Variants in MDN1 observed in about 807,000 individuals in gnomAD.
MDN1 encodes midasin AAA ATPase 1, also known as midasin.
A neutral mutation model predicts 669.2 loss-of-function variants in MDN1; 266 were observed. The observed-to-expected ratio is 0.40, with a 90% confidence interval of 0.36 to 0.44. The LOEUF is 0.44. Ranked by LOEUF, MDN1 falls within the 20% of genes least tolerant of loss-of-function variation. The probability of loss-of-function intolerance (pLI) is 1.00; values close to 1 mark genes in which losing one functional copy is unlikely to be tolerated. For missense variants in MDN1, 5,940 were observed against 6,754.0 expected, an observed-to-expected ratio of 0.88 and a Z score of 4.22; for synonymous variants, 2,385 against 2,457.1, an observed-to-expected ratio of 0.97 and a Z score of 0.87.
intron 71 of MDN1, 75 bp from the exon 72 acceptor site, chr6:89,683,979 A>G (rs1811826188): frequency 1.0e-5 from 11 of 1,104,966 alleles, no homozygotes; most frequent in Non-Finnish European, 1.5e-5. Context: ...ATTTCTGTTC[A>G]GCAAAGACCA....
At chr6:89,672,429 A>G in intron 81 of MDN1, 66 bp from the exon 82 acceptor site, 2 of 1,598,314 alleles carry the variant, frequency 1.3e-6, no homozygotes, top group Non-Finnish European at 1.7e-6. Context: ...TTTTATCTCT[A>G]TCCATGCAGT....
Position 89,688,741 on chromosome 6 carries a change from AAG to A in MDN1, c.11089_11090del (p.Leu3697PhefsTer13). The A allele has an allele frequency of 6.2e-7, 1 of 1,614,132 alleles. No homozygotes were observed. The highest frequency in any genetic ancestry group is 8.5e-7 in the Non-Finnish European group (1 of 1,180,028). ...LLACTLSHNTLFGEAPSDLMV... is the reference protein window; with the variant it reads ...LLACTLSHNTXFGEAPSDLMV... ...TCAGGTCTGAGGGTGCCTCCCCAAA[AAG>A]AGTGTTATGGGAGAGGGTACAGGCC... On this transcript the variant is annotated frameshift_variant, in exon 66 of 102. Coordinates refer to ENST00000369393, the MANE Select transcript of MDN1 (RefSeq NM_014611.3). LOFTEE classifies it high-confidence loss of function.
intron 8 of MDN1, among the ~76,000 whole-genome samples, 181 bp downstream of exon 8, chr6:89,787,672 CT>C (rs1490330142): frequency 1.3e-5 from 2 of 151,690 alleles, no homozygotes; most frequent in Non-Finnish European, 2.9e-5. Context: ...GGGGGGACCT[CT>C]TATTTTATAA....
At chr6:89,809,999 A>T (rs1228023005) in intron 1 of MDN1, among the ~76,000 whole-genome samples, 3,262 of 96,202 alleles carry the variant, frequency 0.034, 78 homozygotes, top group Non-Finnish European at 0.051. Flanking sequence ...TCACTAAAAA[A>T]AAAAAAAAAA....
At chr6:89,708,170 G>A (rs1423934037) in intron 51 of MDN1, among the ~76,000 whole-genome samples, 1 of 152,140 alleles carries the variant, frequency 6.6e-6, no homozygotes, top group Non-Finnish European at 1.5e-5. Context: ...AGGTGTGGTG[G>A]TATGTACCTG....
intron 23 of MDN1, among the ~76,000 whole-genome samples, chr6:89,751,101 T>A (rs944584202): frequency 4.6e-5 from 7 of 152,130 alleles, no homozygotes. Context: ...GGAAAGCAAT[T>A]CCAACTATGC....
At chr6:89,683,470 T>C (rs1044527314) in intron 72 of MDN1, 140 bp from the exon 73 acceptor site, 7 of 697,674 alleles carry the variant, frequency 1.0e-5, no homozygotes, top group African/African-American at 7.2e-5. Flanking sequence ...TAAATATTAA[T>C]AGTTGTTTTA....
chr6:89,809,841 T>A (rs937970357), intron 1 of MDN1, among the ~76,000 whole-genome samples: 4 of 66,562 alleles, frequency 6.0e-5, no homozygotes, highest in African/African-American at 1.7e-4. Flanking sequence ...AATAAAAAAT[T>A]AGCCAGGCTT....
Position 89,690,138 on chromosome 6 carries a change from A to C in MDN1, c.10755T>G (p.Phe3585Leu). ...RKQFPLHEKD[F>L]ADILVQPTLE... The stretch of plus-strand genomic sequence containing the variant: ...ACGTTGGCTGCACCAAAATATCTGC[A>C]AAGTCCTATAAATAGCATTAGAGCA... Residue 3585 changes from phenylalanine (F) to leucine (L), a missense_variant, in exon 65 of 102, where the codon TTT (phenylalanine) becomes TTG (leucine). Around this residue, in one of 5 missense-constraint regions of MDN1, gnomAD observed 2,280 missense variants for 2,576.3 expected, o/e 0.88. Transcript: ENST00000369393. 1 of 1,614,028 alleles carries C rather than the reference A, an allele frequency of 6.2e-7. No individual in the cohort carries two copies. The highest frequency in any genetic ancestry group is 2.2e-5 in the East Asian group (1 of 44,890).
Position 89,658,795 on chromosome 6 carries a change from TGGGGCCTTCCTCA to T in MDN1, c.14823_14835del (p.Glu4942ValfsTer176), listed in dbSNP as rs774127209. 2 of 1,614,182 alleles carry T rather than the reference TGGGGCCTTCCTCA, an allele frequency of 1.2e-6. No individual in the cohort carries two copies. The highest frequency in any genetic ancestry group is 8.5e-7 in the Non-Finnish European group (1 of 1,180,038). On this transcript the variant is annotated frameshift_variant, in exon 89 of 102. Transcript: ENST00000369393. LOFTEE classifies it high-confidence loss of function. ...TCCCCTTCTGCCTTGTCATCTTCAC[TGGGGCCTTCCTCA>T]GGCTCCTGTGGACTCTGACTTTCGT...
At chr6:89,767,586 T>C (rs1284011544) in intron 15 of MDN1, among the ~76,000 whole-genome samples, 3 of 151,978 alleles carry the variant, frequency 2.0e-5, no homozygotes, top group Non-Finnish European at 4.4e-5. Flanking sequence ...GGTGAAACCC[T>C]ATCTCAATTA....
intron 5 of MDN1, 82 bp from the exon 6 acceptor site, chr6:89,790,483 C>G: frequency 6.4e-7 from 1 of 1,557,930 alleles, no homozygotes; most frequent in African/African-American, 1.4e-5. Context: ...AAGCCTTCTA[C>G]TAACCTTACA....
chr6:89,668,233 A>T, intron 83 of MDN1, 82 bp from the exon 84 acceptor site: 2 of 1,524,674 alleles, frequency 1.3e-6, no homozygotes, highest in Non-Finnish European at 1.8e-6. Flanking sequence ...ACAGGAAAAC[A>T]ATTTAAACAC....
chr6:89,787,915 T>C lies in MDN1; in HGVS notation c.1273A>G (p.Ile425Val). 1 of 1,613,724 alleles carries C rather than the reference T, an allele frequency of 6.2e-7. No homozygotes were observed. The highest frequency in any genetic ancestry group is 1.3e-5 in the African/African-American group (1 of 75,014). ...TTCAGACAGTCACCTCGGCCAGGAA[T>C]CAAGAGCTCTCCATTCTCCAAGAGA... ...IPLLENGELL[I>V]PGRGDCLKVA... Residue 425 changes from isoleucine to valine, a missense_variant, in exon 8 of 102, where the codon ATT (isoleucine) becomes GTT (valine). Physicochemically the swap from Ile to Val is conservative, Grantham distance 29. Coordinates refer to ENST00000369393, the MANE Select transcript of MDN1 (RefSeq NM_014611.3).
chr6:89,800,768 G>C (rs909919722), intron 2 of MDN1, among the ~76,000 whole-genome samples: 6 of 152,266 alleles, frequency 3.9e-5, no homozygotes, highest in East Asian at 1.9e-4. Flanking sequence ...TTGGTGTCTA[G>C]AGAGGGGGTG....
chr6:89,682,183 T>C (rs1811655772), intron 73 of MDN1, among the ~76,000 whole-genome samples: 1 of 152,226 alleles, frequency 6.6e-6, no homozygotes, highest in Admixed American at 6.5e-5. Flanking sequence ...TCACGGCACA[T>C]ATTCACACCC....
At chr6:89,780,382 T>G in intron 10 of MDN1, 89 bp from the exon 11 acceptor site, 1 of 718,424 alleles carries the variant, frequency 1.4e-6, no homozygotes, top group Non-Finnish European at 2.2e-6. Flanking sequence ...CCCACTTAAG[T>G]CTGGGCATAC....
At position 89,663,713 on chromosome 6, in the gene MDN1, T is replaced by C. The variant is rs541860195; in HGVS notation, c.14237-746A>G. ...ACTTTGGGAGGCTGAGGTGGGCGGATCATGATGTCAGGAGATCGAGACCAT... is the reference window on the plus strand; with the variant it reads ...ACTTTGGGAGGCTGAGGTGGGCGGACCATGATGTCAGGAGATCGAGACCAT... On this transcript the variant is annotated intron_variant, in intron 85 of 101. Coordinates refer to ENST00000369393, the MANE Select transcript of MDN1 (RefSeq NM_014611.3). Among the ~76,000 whole-genome samples, 298 of 152,002 alleles carry C rather than the reference T, an allele frequency of 2.0e-3. 1 individual carries two copies. Among genetic ancestry groups the C allele is most frequent in the African/African-American group, 6.2e-3 (255 of 41,444 alleles).
chr6:89,735,123 C>T (rs1214014927), intron 33 of MDN1, among the ~76,000 whole-genome samples: 1 of 151,966 alleles, frequency 6.6e-6, no homozygotes, highest in East Asian at 1.9e-4. Flanking sequence ...CTCTTGACCT[C>T]GTGATCTGCC....
Sources: allele counts gnomAD v4.1 joint callset (sites outside exome capture counted in the v4.1 genomes callset), GRCh38; gene constraint gnomAD v4.1.1; regional missense constraint gnomAD v4.1.1; transcripts MANE v1.5; gene names NCBI Gene and HGNC (gene_info 2026-07-23, HGNC 2026-07-21).